The following INO80 variants were observed in gnomAD, a reference collection of about 807,000 sequenced individuals.
The protein encoded by INO80 is chromatin-remodeling ATPase INO80.
Under a neutral mutation model 203.4 loss-of-function variants are expected in INO80, and 20 were observed. That is an observed-to-expected ratio of 0.10 (90% confidence interval 0.07 to 0.14). The LOEUF (loss-of-function observed/expected upper bound fraction) is 0.14. Ranked by LOEUF, INO80 falls within the 10% of genes least tolerant of loss-of-function variation. The pLI is 1.00. For missense variants in INO80, 1,419 were observed against 1,914.4 expected (o/e 0.74, Z 4.83); for synonymous variants, 726 against 685.2 (o/e 1.06, Z -0.93).
intron 10 of INO80, 90 bp from the exon 11 acceptor site, chr15:41,073,585 C>G (rs1481987369): frequency 9.8e-7 from 1 of 1,023,544 alleles, no homozygotes; most frequent in African/African-American, 1.6e-5. Flanking sequence ...ATCCCTGATT[C>G]CCTCATTCTA....
intron 7 of INO80, among the ~76,000 whole-genome samples, chr15:41,082,574 G>A (rs775316319): frequency 2.6e-5 from 4 of 152,008 alleles, no homozygotes; most frequent in Non-Finnish European, 4.4e-5. Context: ...GGTGGCAGGC[G>A]CCTGTAATCC....
chr15:41,058,077 T>C (rs1487077684), intron 16 of INO80, among the ~76,000 whole-genome samples: 1 of 152,086 alleles, frequency 6.6e-6, no homozygotes, highest in East Asian at 1.9e-4. Flanking sequence ...ATAATCAACA[T>C]AAAACAAACA....
intron 5 of INO80, among the ~76,000 whole-genome samples, chr15:41,088,273 A>G (rs1210101381): frequency 2.0e-5 from 3 of 151,666 alleles, no homozygotes; most frequent in Non-Finnish European, 4.4e-5. Context: ...TATTTTTAGT[A>G]GACACGAGGT....
intron 16 of INO80, among the ~76,000 whole-genome samples, chr15:41,056,939 C>G (rs1451983317): frequency 6.6e-6 from 1 of 152,134 alleles, no homozygotes; most frequent in Non-Finnish European, 1.5e-5. Flanking sequence ...AAAAAAATAG[C>G]CTCAAATAGG....
intron 9 of INO80, among the ~76,000 whole-genome samples, chr15:41,074,783 C>T (rs1294773826): frequency 1.3e-5 from 2 of 152,140 alleles, no homozygotes; most frequent in Admixed American, 6.6e-5. Flanking sequence ...CTCAGCTGGT[C>T]GCATGGGCTG....
At chr15:41,099,322 G>GA (rs572877944) in intron 1 of INO80, among the ~76,000 whole-genome samples, 13 of 136,508 alleles carry the variant, frequency 9.5e-5, no homozygotes, top group East Asian at 6.4e-4. Flanking sequence ...AAGAAAAAGG[G>GA]AAAAAAAAAA....
intron 24 of INO80, among the ~76,000 whole-genome samples, chr15:41,038,469 C>T (rs974442049): frequency 1.3e-5 from 2 of 152,190 alleles, no homozygotes; most frequent in African/African-American, 4.8e-5. Flanking sequence ...CCCTAAAAAT[C>T]CTTACAACTG....
chr15:41,028,336 A>G (rs1357138703), intron 24 of INO80, among the ~76,000 whole-genome samples: 1 of 152,084 alleles, frequency 6.6e-6, no homozygotes, highest in East Asian at 1.9e-4. Context: ...GGGTTTCACC[A>G]TGTTGGCCAG....
At chr15:41,093,980 T>C (rs2045682187) in intron 4 of INO80, among the ~76,000 whole-genome samples, 1 of 152,214 alleles carries the variant, frequency 6.6e-6, no homozygotes. Context: ...CAACTGATAT[T>C]AACCAAATCG....
At chr15:41,000,706 C>CAAAAAAAAAAAAAAAAAAAAAAAAAAAAA (rs58232890) in intron 28 of INO80, among the ~76,000 whole-genome samples, 3 of 56,802 alleles carry the variant, frequency 5.3e-5, no homozygotes, top group Admixed American at 2.3e-4. Context: ...CACCCTGTCT[C>CAAAAAAAAAAAAAAAAAAAAAAAAAAAAA]AAAAAAAAAA....
chr15:41,088,084 TTTC>T (rs2045586838), intron 5 of INO80, among the ~76,000 whole-genome samples: 1 of 146,986 alleles, frequency 6.8e-6, no homozygotes, highest in Non-Finnish European at 1.5e-5. Context: ...CATGCTTGCT[TTTC>T]TTTTTTTTTT....
At chr15:41,115,876 C>T (rs1445226440) in intron 1 of INO80, 97 bp downstream of exon 1, 11 of 374,732 alleles carry the variant, frequency 2.9e-5, no homozygotes, top group Admixed American at 2.3e-4. Flanking sequence ...GGCGACGGCC[C>T]CTTTAAGACG....
intron 24 of INO80, among the ~76,000 whole-genome samples, chr15:41,043,930 G>C (rs1288222223): frequency 2.0e-5 from 3 of 152,046 alleles, no homozygotes; most frequent in Non-Finnish European, 4.4e-5. Context: ...ACTTTTCATG[G>C]AAATATAATT....
rs747338599 is a variant in INO80, at chr15:41,047,457, T to C, written c.2686A>G (p.Ile896Val). Residue 896 changes from isoleucine (I) to valine (V), a missense_variant, in exon 23 of 36, where the codon ATA becomes GTA. Ile to Val is a conservative substitution (Grantham distance 29, BLOSUM62 3). Transcript: ENST00000648947. Reference sequence around the variant, plus strand: ...AGGTTTGCCATTTCTGCTGGAGATATATCAATAAAGCGAAGGAAAGAGAAA... The same window carrying C: ...AGGTTTGCCATTTCTGCTGGAGATACATCAATAAAGCGAAGGAAAGAGAAA... ...SCFSFLRFID[I>V]SPAEMANLML... 59 of 1,613,254 alleles carry C rather than the reference T, an allele frequency of 3.7e-5. No individual in the cohort carries two copies. The highest frequency in any genetic ancestry group is 4.6e-5 in the Non-Finnish European group (54 of 1,179,764).
intron 27 of INO80, among the ~76,000 whole-genome samples, chr15:41,009,155 G>C (rs2044095433): frequency 1.3e-5 from 2 of 152,010 alleles, no homozygotes; most frequent in Admixed American, 1.3e-4. Context: ...AATAACATTT[G>C]ATTCGAAAGC....
At chr15:41,034,515 A>T (rs1435122800) in intron 24 of INO80, among the ~76,000 whole-genome samples, 1 of 152,224 alleles carries the variant, frequency 6.6e-6, no homozygotes, top group Non-Finnish European at 1.5e-5. Context: ...AGGAAGTTAT[A>T]TTTAGGAGAC....
chr15:41,080,921 C>A, intron 8 of INO80, 99 bp downstream of exon 8: 2 of 755,052 alleles, frequency 2.6e-6, no homozygotes, highest in South Asian at 1.5e-5. Context: ...GATTCATGAT[C>A]AACAGGTTAC....
At position 41,016,076 on chromosome 15, in the gene INO80, T is replaced by A. The variant is rs780773704; in HGVS notation, c.3402+12A>T. The A allele has an allele frequency of 6.2e-7, 1 of 1,608,218 alleles. No individual in the cohort carries two copies. The highest frequency in any genetic ancestry group is 1.1e-5 in the South Asian group (1 of 90,498). On this transcript the variant is annotated intron_variant, in intron 27 of 35. Coordinates refer to ENST00000648947, the MANE Select transcript of INO80 (RefSeq NM_017553.3). ...TCAAGGTATCCTAGGTCCCCAAGAT[T>A]CCCTCTCCTACCTCCAGTAGGTCTA...
intron 13 of INO80, among the ~76,000 whole-genome samples, chr15:41,069,892 T>C (rs373425392): frequency 3.3e-5 from 5 of 152,236 alleles, no homozygotes; most frequent in African/African-American, 7.2e-5. Flanking sequence ...TTCTGACCTC[T>C]TATAGGTCTT....
Sources: allele counts gnomAD v4.1 joint callset (sites outside exome capture counted in the v4.1 genomes callset), GRCh38; gene constraint gnomAD v4.1.1; transcripts MANE v1.5; gene names NCBI Gene and HGNC (gene_info 2026-07-23, HGNC 2026-07-21).